Variants in ZMAT4 observed in about 807,000 individuals in gnomAD.
ZMAT4 encodes zinc finger matrin-type 4.
Under a neutral mutation model 28.7 loss-of-function variants are expected in ZMAT4, and 17 were observed. That is an observed-to-expected ratio of 0.59 (90% confidence interval 0.41 to 0.89). ZMAT4 has a LOEUF of 0.89. Among genes scored for constraint, ZMAT4 ranks in the 40% least tolerant of loss-of-function variants. The probability of loss-of-function intolerance (pLI) is 0.00; values close to 1 mark genes in which losing one functional copy is unlikely to be tolerated. For synonymous variants in ZMAT4, 117 were observed against 109.2 expected (o/e 1.07, Z -0.44); for missense variants, 240 against 283.8 (o/e 0.85, Z 1.11).
chr8:40,641,511 AT>A (rs912013539), intron 5 of ZMAT4, among the ~76,000 whole-genome samples: 1 of 152,176 alleles, frequency 6.6e-6, no homozygotes, highest in African/African-American at 2.4e-5. Flanking sequence ...TTATTCTTTT[AT>A]TTTTTAAGCT....
chr8:40,688,361 C>T (rs1176148221), intron 4 of ZMAT4, among the ~76,000 whole-genome samples: 1 of 152,086 alleles, frequency 6.6e-6, no homozygotes, highest in Non-Finnish European at 1.5e-5. Context: ...GAGGCTGAGG[C>T]AGGAGAATTG....
At chr8:40,700,159 TG>T (rs1810070174) in intron 3 of ZMAT4, among the ~76,000 whole-genome samples, 1 of 152,044 alleles carries the variant, frequency 6.6e-6, no homozygotes, top group Non-Finnish European at 1.5e-5. Flanking sequence ...CCAGGAGAAT[TG>T]GAGAAGTAGA....
intron 2 of ZMAT4, among the ~76,000 whole-genome samples, chr8:40,780,583 C>T (rs1445751224): frequency 6.6e-6 from 1 of 151,978 alleles, no homozygotes; most frequent in African/African-American, 2.4e-5. Context: ...AATATATGAA[C>T]CAAGACTTTT....
chr8:40,820,137 C>CGT (rs1456107897), intron 2 of ZMAT4, among the ~76,000 whole-genome samples: 8 of 93,390 alleles, frequency 8.6e-5, no homozygotes, highest in African/African-American at 2.9e-4. Context: ...ATGGACTTTC[C>CGT]ATGTGTGTGT....
chr8:40,737,447 G>A (rs1196742223), intron 3 of ZMAT4, among the ~76,000 whole-genome samples: 1 of 152,038 alleles, frequency 6.6e-6, no homozygotes, highest in Non-Finnish European at 1.5e-5. Context: ...GAAATAGAAG[G>A]AAAAGGAGGA....
At chr8:40,893,027 A>G (rs935539144) in intron 1 of ZMAT4, among the ~76,000 whole-genome samples, 1 of 152,144 alleles carries the variant, frequency 6.6e-6, no homozygotes, top group Non-Finnish European at 1.5e-5. Context: ...ATTCTTCCTC[A>G]TACCTAATCT....
At chr8:40,856,444 G>C (rs534968192) in intron 1 of ZMAT4, among the ~76,000 whole-genome samples, 7 of 152,340 alleles carry the variant, frequency 4.6e-5, no homozygotes, top group Non-Finnish European at 7.3e-5. Flanking sequence ...AGGATGGTCT[G>C]TGTACCACTT....
At chr8:40,788,958 A>C (rs1563485164) in intron 2 of ZMAT4, among the ~76,000 whole-genome samples, 1 of 143,166 alleles carries the variant, frequency 7.0e-6, no homozygotes, top group Non-Finnish European at 1.5e-5. Flanking sequence ...ACCTACAGAA[A>C]GAGAGAGAGG....
chr8:40,817,640 G>A (rs539399643), intron 2 of ZMAT4, among the ~76,000 whole-genome samples: 5 of 152,308 alleles, frequency 3.3e-5, no homozygotes, highest in Admixed American at 3.3e-4. Flanking sequence ...GTAGGGGAAA[G>A]CAGTAGTATT....
intron 6 of ZMAT4, among the ~76,000 whole-genome samples, chr8:40,548,938 C>A (rs956938344): frequency 6.6e-6 from 1 of 152,078 alleles, no homozygotes; most frequent in East Asian, 1.9e-4. Flanking sequence ...CTAACCAATA[C>A]CATTTGCTAT....
Position 40,825,666 on chromosome 8 carries a change from G to A in ZMAT4, c.11C>T (p.Ser4Phe), listed in dbSNP as rs1273063811. Reference protein sequence around the residue: MKSSDIDQDLFTDS... With the variant: MKSFDIDQDLFTDS... ...TGTGAATAAATCCTGATCAATATCGGAGGACTTCATCAGGCTACAAGAGAA... is the reference window on the plus strand; with the variant it reads ...TGTGAATAAATCCTGATCAATATCGAAGGACTTCATCAGGCTACAAGAGAA... Residue 4 changes from serine to phenylalanine, a missense_variant, in exon 2 of 7, where the codon TCC becomes TTC. Transcript: ENST00000297737. 6.4e-7 allele frequency: 1 copy of A among 1,553,720 alleles called. No individual in the cohort carries two copies. The highest frequency in any genetic ancestry group is 8.7e-7 in the Non-Finnish European group (1 of 1,147,836).
At chr8:40,568,814 A>C (rs932407087) in intron 6 of ZMAT4, among the ~76,000 whole-genome samples, 6 of 152,088 alleles carry the variant, frequency 3.9e-5, no homozygotes, top group African/African-American at 1.4e-4. Flanking sequence ...ACATTACTGC[A>C]CCCAGTCCAC....
chr8:40,572,003 T>C (rs957196160), intron 6 of ZMAT4, among the ~76,000 whole-genome samples: 1 of 152,222 alleles, frequency 6.6e-6, no homozygotes, highest in South Asian at 2.1e-4. Flanking sequence ...TATGTTTAGC[T>C]TTTGAAATCC....
chr8:40,630,904 T>C (rs2722422), intron 5 of ZMAT4, among the ~76,000 whole-genome samples: 85,712 of 152,076 alleles, frequency 0.56, 25,317 homozygotes, highest in East Asian at 0.69. Flanking sequence ...ATTTTAGTAA[T>C]ATGTTTTACC....
At chr8:40,659,737 C>A (rs566987981) in intron 5 of ZMAT4, among the ~76,000 whole-genome samples, 1 of 152,250 alleles carries the variant, frequency 6.6e-6, no homozygotes, top group East Asian at 1.9e-4. Context: ...CCTATCCCAA[C>A]ACCTTCGTTT....
At chr8:40,875,239 C>T (rs564838261) in intron 1 of ZMAT4, among the ~76,000 whole-genome samples, 1 of 152,268 alleles carries the variant, frequency 6.6e-6, no homozygotes, top group South Asian at 2.1e-4. Flanking sequence ...GTGTCCCCTC[C>T]CATAGTACAC....
intron 5 of ZMAT4, among the ~76,000 whole-genome samples, chr8:40,623,447 G>T (rs6474262): frequency 0.47 from 72,237 of 152,110 alleles, 18,118 homozygotes; most frequent in East Asian, 0.75. Flanking sequence ...ATGCCCAGCA[G>T]AACTATGGTA....
chr8:40,543,432 C>T (rs968010047), intron 6 of ZMAT4, among the ~76,000 whole-genome samples: 2 of 152,198 alleles, frequency 1.3e-5, no homozygotes, highest in African/African-American at 2.4e-5. Flanking sequence ...AACAGTTCAG[C>T]CACGTCTGGG....
At chr8:40,800,003 A>T (rs1233147992) in intron 2 of ZMAT4, among the ~76,000 whole-genome samples, 1 of 152,246 alleles carries the variant, frequency 6.6e-6, no homozygotes, top group African/African-American at 2.4e-5. Context: ...CCAGTGCAAA[A>T]TAAAAACAGA....
Sources: allele counts gnomAD v4.1 joint callset (sites outside exome capture counted in the v4.1 genomes callset), GRCh38; gene constraint gnomAD v4.1.1; transcripts MANE v1.5; gene names NCBI Gene and HGNC (gene_info 2026-07-23, HGNC 2026-07-21).